The following KDM4C variants were observed in gnomAD, a reference collection of about 807,000 sequenced individuals.
KDM4C encodes lysine demethylase 4C.
A neutral mutation model predicts 129.3 loss-of-function variants in KDM4C; 81 were observed. That is an observed-to-expected ratio of 0.63 (90% CI 0.52 to 0.75). The LOEUF (loss-of-function observed/expected upper bound fraction) is 0.75. Among genes scored for constraint, KDM4C ranks in the 30% least tolerant of loss-of-function variants. The probability of loss-of-function intolerance (pLI) is 0.00; values close to 1 mark genes in which losing one functional copy is unlikely to be tolerated. For synonymous variants in KDM4C, 573 were observed against 456.1 expected, an observed-to-expected ratio of 1.26 and a Z score of -3.26; for missense variants, 1,457 against 1,304.0, an observed-to-expected ratio of 1.12 and a Z score of -1.81.
intron 8 of KDM4C, among the ~76,000 whole-genome samples, chr9:6,947,104 T>C (rs1313260039): frequency 6.6e-6 from 1 of 152,180 alleles, no homozygotes; most frequent in Non-Finnish European, 1.5e-5. Context: ...GCCATGTGAA[T>C]ACATTTCTAG....
chr9:6,815,877 C>G lies in KDM4C; in HGVS notation c.435+1132C>G, dbSNP rs35275824. Among the ~76,000 whole-genome samples, 1,117 of 152,260 alleles carry G rather than the reference C, an allele frequency of 7.3e-3. 5 individuals are homozygous for G. Among genetic ancestry groups the G allele is most frequent in the Non-Finnish European group, 0.012 (817 of 68,016 alleles). Reference sequence around the variant, plus strand: ...ACATTTGCTTAATGTTTCTTTGTGTCTCTTTATCTCTGTTTCTATCTGTCT... The same window carrying G: ...ACATTTGCTTAATGTTTCTTTGTGTGTCTTTATCTCTGTTTCTATCTGTCT... On this transcript the variant is annotated intron_variant, in intron 4 of 21. Coordinates refer to ENST00000381309, the MANE Select transcript of KDM4C (RefSeq NM_015061.6).
chr9:7,069,490 C>G (rs62533862), intron 17 of KDM4C, among the ~76,000 whole-genome samples: 26,832 of 152,118 alleles, frequency 0.18, 2,883 homozygotes, highest in South Asian at 0.41. Flanking sequence ...CCACCCTAGG[C>G]TACAGAGCAA....
chr9:6,947,827 AT>A (rs955617212), intron 8 of KDM4C, among the ~76,000 whole-genome samples: 16 of 74,960 alleles, frequency 2.1e-4, no homozygotes, highest in Admixed American at 1.1e-3. Context: ...GTTCCTTGAT[AT>A]TTTTTTTTTA....
intron 18 of KDM4C, among the ~76,000 whole-genome samples, chr9:7,124,069 C>T (rs961636133): frequency 6.6e-6 from 1 of 152,128 alleles, no homozygotes; most frequent in African/African-American, 2.4e-5. Context: ...GTGCTTCATC[C>T]TGTTTCATAG....
chr9:6,847,941 A>G (rs1588671696), intron 4 of KDM4C, among the ~76,000 whole-genome samples: 1 of 152,244 alleles, frequency 6.6e-6, no homozygotes, highest in Admixed American at 6.5e-5. Context: ...TGAAAACAGA[A>G]CAACTCTAAA....
At chr9:7,065,572 T>C (rs1832310179) in intron 17 of KDM4C, among the ~76,000 whole-genome samples, 1 of 152,156 alleles carries the variant, frequency 6.6e-6, no homozygotes, top group Admixed American at 6.5e-5. Context: ...CTGGCAAAGG[T>C]ATAATTTTAA....
At chr9:7,169,510 A>G (rs189372233) in intron 20 of KDM4C, among the ~76,000 whole-genome samples, 1 of 151,554 alleles carries the variant, frequency 6.6e-6, no homozygotes, top group East Asian at 1.9e-4. Flanking sequence ...TAATTTTTGT[A>G]TTTTTGTTAG....
At chr9:6,725,877 T>C (rs970952271) in intron 1 of KDM4C, among the ~76,000 whole-genome samples, 3 of 150,442 alleles carry the variant, frequency 2.0e-5, no homozygotes, top group African/African-American at 7.3e-5. Flanking sequence ...ACCTAGCTAC[T>C]TTAAAAAATA....
chr9:6,925,392 T>C, intron 8 of KDM4C: 1 of 985,018 alleles, frequency 1.0e-6, no homozygotes, highest in Non-Finnish European at 1.2e-6. Flanking sequence ...ATTAAAAGCT[T>C]TTTTTCTTTC....
intron 4 of KDM4C, among the ~76,000 whole-genome samples, chr9:6,844,223 T>C (rs1588650557): frequency 6.6e-6 from 1 of 152,334 alleles, no homozygotes; most frequent in African/African-American, 2.4e-5. Context: ...CTAGTTTTAA[T>C]CCTTTGGACT....
At chr9:7,102,620 A>G (rs576933306) in intron 17 of KDM4C, among the ~76,000 whole-genome samples, 19 of 152,280 alleles carry the variant, frequency 1.2e-4, no homozygotes, top group African/African-American at 4.6e-4. Flanking sequence ...ATGTGAGGAC[A>G]CGAAGAGTTA....
chr9:7,099,039 G>A (rs563788006), intron 17 of KDM4C, among the ~76,000 whole-genome samples: 4 of 152,330 alleles, frequency 2.6e-5, no homozygotes, highest in Non-Finnish European at 2.9e-5. Flanking sequence ...TGAGCTGGGA[G>A]TGTTAACTTG....
At chr9:6,895,404 G>A (rs902168553) in intron 8 of KDM4C, among the ~76,000 whole-genome samples, 19 of 152,184 alleles carry the variant, frequency 1.2e-4, no homozygotes, top group Admixed American at 1.1e-3. Flanking sequence ...CCAGAGGCTG[G>A]ACTTTTCTCC....
At chr9:6,992,139 C>T (rs925235851) in intron 12 of KDM4C, among the ~76,000 whole-genome samples, 1 of 151,982 alleles carries the variant, frequency 6.6e-6, no homozygotes, top group Non-Finnish European at 1.5e-5. Flanking sequence ...ATTGTAATTT[C>T]CCTTTCCCAT....
Position 7,078,284 on chromosome 9 carries a change from A to G in KDM4C, c.2425-25401A>G, listed in dbSNP as rs559355676. 2.6e-5 allele frequency among the ~76,000 whole-genome samples: 4 copies of G among 152,292 alleles called. No individual in the cohort carries two copies. In the South Asian group the frequency reaches 8.3e-4, roughly 32 times the overall value. Reference sequence around the variant, plus strand: ...TGGGAAAAAAGTAAAATATTAAATCAGATAAAATGTTATTTAAACACCATA... The same window carrying G: ...TGGGAAAAAAGTAAAATATTAAATCGGATAAAATGTTATTTAAACACCATA... On this transcript the variant is annotated intron_variant, in intron 17 of 21. Coordinates refer to ENST00000381309, the MANE Select transcript of KDM4C (RefSeq NM_015061.6).
At chr9:6,795,942 A>G in intron 2 of KDM4C, among the ~76,000 whole-genome samples, 1 of 152,112 alleles carries the variant, frequency 6.6e-6, no homozygotes, top group Non-Finnish European at 1.5e-5. Context: ...AAATTGCTGG[A>G]ATTATAAGCA....
At chr9:7,150,962 C>T (rs1252380401) in intron 19 of KDM4C, among the ~76,000 whole-genome samples, 1 of 152,114 alleles carries the variant, frequency 6.6e-6, no homozygotes, top group Non-Finnish European at 1.5e-5. Context: ...ACCTCAGTAC[C>T]TTAACCAAGC....
intron 13 of KDM4C, among the ~76,000 whole-genome samples, chr9:7,012,399 C>A (rs1260166014): frequency 6.6e-6 from 1 of 152,024 alleles, no homozygotes; most frequent in African/African-American, 2.4e-5. Flanking sequence ...TTTTCTATCT[C>A]TTTTACTAAG....
At chr9:6,998,181 G>C (rs929528625) in intron 12 of KDM4C, among the ~76,000 whole-genome samples, 1 of 152,154 alleles carries the variant, frequency 6.6e-6, no homozygotes, top group African/African-American at 2.4e-5. Flanking sequence ...TGTAATGTCT[G>C]CATGCCTTGA....
Sources: gnomAD v4.1 joint callset for allele counts (sites outside exome capture counted in the v4.1 genomes callset) on GRCh38, gnomAD v4.1.1 for gene constraint, MANE v1.5 for transcripts, NCBI Gene and HGNC (gene_info 2026-07-23, HGNC 2026-07-21) for gene names.